Variants in KCNQ3 observed in about 807,000 individuals in gnomAD.
KCNQ3 encodes the protein potassium voltage-gated channel subfamily KQT member 3.
Under a neutral mutation model 92.5 loss-of-function variants are expected in KCNQ3, and 30 were observed. The ratio of observed to expected loss-of-function variants is 0.32; its 90% CI spans 0.24 to 0.44. The LOEUF (loss-of-function observed/expected upper bound fraction) is 0.44, where lower values mean the gene tolerates loss of function less well. Among genes scored for constraint, KCNQ3 ranks in the 20% least tolerant of loss-of-function variants. KCNQ3 has a pLI of 1.00. For synonymous variants in KCNQ3, 450 were observed against 468.8 expected (o/e 0.96, Z 0.52); for missense variants, 913 against 1,140.3 (o/e 0.80, Z 2.87).
chr8:132,465,088 T>C (rs901592515), intron 1 of KCNQ3, among the ~76,000 whole-genome samples: 5 of 152,144 alleles, frequency 3.3e-5, no homozygotes, highest in African/African-American at 1.2e-4. Context: ...TCCAGAACTG[T>C]GAAGGGGAAT....
intron 6 of KCNQ3, among the ~76,000 whole-genome samples, chr8:132,173,848 C>T (rs1286202328): frequency 6.6e-6 from 1 of 152,150 alleles, no homozygotes; most frequent in African/African-American, 2.4e-5. Flanking sequence ...GGACCTGCTC[C>T]GTGCAAGGCA....
At chr8:132,144,062 C>T (rs2130949340) in intron 9 of KCNQ3, among the ~76,000 whole-genome samples, 1 of 152,294 alleles carries the variant, frequency 6.6e-6, no homozygotes, top group Middle Eastern at 3.4e-3. Context: ...AATGAGAGGA[C>T]TCTCTTGGTT....
intron 1 of KCNQ3, among the ~76,000 whole-genome samples, chr8:132,430,450 G>T (rs1448205291): frequency 1.3e-5 from 2 of 152,178 alleles, no homozygotes; most frequent in Non-Finnish European, 1.5e-5. Flanking sequence ...CCAGCCCTGG[G>T]TGTCCCACCA....
intron 1 of KCNQ3, among the ~76,000 whole-genome samples, chr8:132,339,776 A>G (rs913400656): frequency 2.6e-5 from 4 of 152,136 alleles, no homozygotes; most frequent in Non-Finnish European, 4.4e-5. Flanking sequence ...TTCTGACAGT[A>G]TTAGAAAGAT....
At chr8:132,354,161 G>A (rs1239169988) in intron 1 of KCNQ3, among the ~76,000 whole-genome samples, 1 of 152,148 alleles carries the variant, frequency 6.6e-6, no homozygotes, top group Non-Finnish European at 1.5e-5. Context: ...ACCCCCATGT[G>A]TTTGAAGAAA....
chr8:132,233,942 A>G (rs896314864), intron 1 of KCNQ3, among the ~76,000 whole-genome samples: 6 of 152,226 alleles, frequency 3.9e-5, no homozygotes, highest in African/African-American at 1.4e-4. Context: ...AAAATGACAA[A>G]GTAAATAAAT....
At chr8:132,140,849 G>A in intron 10 of KCNQ3, 2 of 476,790 alleles carry the variant, frequency 4.2e-6, no homozygotes, top group Non-Finnish European at 7.7e-6. Context: ...TCCAATCATG[G>A]GGCGGGGGGT....
At chr8:132,173,470 G>C (rs960905822) in intron 6 of KCNQ3, among the ~76,000 whole-genome samples, 1 of 152,060 alleles carries the variant, frequency 6.6e-6, no homozygotes, top group African/African-American at 2.4e-5. Context: ...TCATGATTAA[G>C]AGCCAGGTTT....
intron 1 of KCNQ3, among the ~76,000 whole-genome samples, chr8:132,477,423 T>C (rs1370851926): frequency 6.6e-6 from 1 of 151,362 alleles, no homozygotes; most frequent in Admixed American, 6.6e-5. Context: ...ATTGTGCCAT[T>C]AGCCACAGCC....
chr8:132,266,628 C>G (rs1302856959), intron 1 of KCNQ3, among the ~76,000 whole-genome samples: 1 of 152,166 alleles, frequency 6.6e-6, no homozygotes, highest in Non-Finnish European at 1.5e-5. Flanking sequence ...CCCCTTCAGA[C>G]AGAAATCAGA....
intron 1 of KCNQ3, among the ~76,000 whole-genome samples, chr8:132,443,158 C>T (rs1042280916): frequency 1.2e-4 from 19 of 152,256 alleles, no homozygotes; most frequent in South Asian, 2.1e-4. Flanking sequence ...GGGAGGGGGT[C>T]GGGGAGGACT....
At chr8:132,351,122 G>A (rs1818851242) in intron 1 of KCNQ3, among the ~76,000 whole-genome samples, 1 of 152,016 alleles carries the variant, frequency 6.6e-6, no homozygotes, top group Non-Finnish European at 1.5e-5. Context: ...TTGAATATCT[G>A]CCAAGCACTA....
rs890853118 is a variant in KCNQ3, at chr8:132,327,416, C to T, written c.387-141235G>A. 5.3e-5 allele frequency among the ~76,000 whole-genome samples: 8 copies of T among 152,234 alleles called. No homozygotes were observed. The East Asian group carries it at 7.7e-4, about 15-fold the overall frequency. On this transcript the variant is annotated intron_variant, in intron 1 of 14. Coordinates refer to ENST00000388996, the MANE Select transcript of KCNQ3 (RefSeq NM_004519.4). ...CGAGGCTCAGAGAGATCAAGTAACC[C>T]GCCCCAAACCACATGGTAACAGGGT...
intron 1 of KCNQ3, among the ~76,000 whole-genome samples, chr8:132,238,753 C>T (rs776353477): frequency 6.6e-6 from 1 of 152,126 alleles, no homozygotes; most frequent in Non-Finnish European, 1.5e-5. Context: ...CTGAGGCTCA[C>T]GAGCAAATTC....
intron 1 of KCNQ3, among the ~76,000 whole-genome samples, chr8:132,410,166 G>T (rs974272939): frequency 6.6e-6 from 1 of 152,128 alleles, no homozygotes; most frequent in Non-Finnish European, 1.5e-5. Flanking sequence ...AAGTGATGGG[G>T]TTGCTGTTTA....
chr8:132,446,071 G>T (rs536405496), intron 1 of KCNQ3, among the ~76,000 whole-genome samples: 2 of 152,256 alleles, frequency 1.3e-5, no homozygotes, highest in Non-Finnish European at 1.5e-5. Flanking sequence ...CTATTCAAAG[G>T]CTGAGGTCTT....
chr8:132,224,027 T>C (rs1184638896), intron 1 of KCNQ3, among the ~76,000 whole-genome samples: 2 of 147,046 alleles, frequency 1.4e-5, no homozygotes, highest in Non-Finnish European at 3.0e-5. Flanking sequence ...GCAATCTTCC[T>C]GCCTCAGCCT....
At chr8:132,281,610 C>A (rs1287024198) in intron 1 of KCNQ3, among the ~76,000 whole-genome samples, 1 of 151,870 alleles carries the variant, frequency 6.6e-6, no homozygotes, top group African/African-American at 2.4e-5. Context: ...CCTCCATCTC[C>A]ATCCTAGTAC....
intron 1 of KCNQ3, among the ~76,000 whole-genome samples, chr8:132,187,879 ATGGTGGCGGTGGTGG>A (rs1827044601): frequency 8.9e-6 from 1 of 112,768 alleles, no homozygotes; most frequent in African/African-American, 3.2e-5. Context: ...GGTGATAGTG[ATGGTGGCGGTGGTGG>A]TGGTGGTGAT....
Sources: gnomAD v4.1 joint callset for allele counts (sites outside exome capture counted in the v4.1 genomes callset) on GRCh38, gnomAD v4.1.1 for gene constraint, MANE v1.5 for transcripts, NCBI Gene and HGNC (gene_info 2026-07-23, HGNC 2026-07-21) for gene names.